TTC29: variants seen among roughly 807,000 people sequenced by gnomAD.
TTC29 encodes the protein tetratricopeptide repeat protein 29.
In TTC29, 49 loss-of-function variants were observed where a neutral mutation model predicts 58.1. The ratio of observed to expected loss-of-function variants is 0.84; its 90% CI spans 0.67 to 1.07. TTC29 has a LOEUF of 1.07. TTC29 is among the 50% of genes least tolerant of loss of function. The pLI is 0.00. For missense variants in TTC29, 582 were observed against 555.6 expected (o/e 1.05, Z -0.48); for synonymous variants, 209 against 196.8 (o/e 1.06, Z -0.52).
intron 4 of TTC29, among the ~76,000 whole-genome samples, chr4:146,925,549 A>G (rs890681352): frequency 1.3e-5 from 2 of 151,972 alleles, no homozygotes; most frequent in Middle Eastern, 3.4e-3. Context: ...TATCCTTTGT[A>G]CTTCTGTGTG....
chr4:146,735,968 T>C (rs183596393), intron 11 of TTC29, among the ~76,000 whole-genome samples: 5 of 152,180 alleles, frequency 3.3e-5, no homozygotes, highest in African/African-American at 1.2e-4. Context: ...TGGAAACTGG[T>C]GGGGTTAAAA....
At chr4:146,890,648 A>G (rs1732291437) in intron 6 of TTC29, among the ~76,000 whole-genome samples, 1 of 152,214 alleles carries the variant, frequency 6.6e-6, no homozygotes, top group Non-Finnish European at 1.5e-5. Context: ...CATTTGAAAA[A>G]ATGAAATCTG....
intron 6 of TTC29, among the ~76,000 whole-genome samples, chr4:146,899,900 A>C (rs1051562461): frequency 6.6e-6 from 1 of 152,170 alleles, no homozygotes; most frequent in African/African-American, 2.4e-5. Context: ...CCCTGGAATC[A>C]GGATGCTGCC....
intron 11 of TTC29, among the ~76,000 whole-genome samples, chr4:146,774,643 C>T (rs1054016747): frequency 7.2e-5 from 11 of 151,882 alleles, no homozygotes; most frequent in Middle Eastern, 3.4e-3. Flanking sequence ...GCCTGTTGTG[C>T]GGTAGATTTT....
intron 11 of TTC29, among the ~76,000 whole-genome samples, chr4:146,731,868 G>T (rs760792057): frequency 2.0e-5 from 3 of 152,174 alleles, no homozygotes; most frequent in Non-Finnish European, 4.4e-5. Flanking sequence ...ATGTCAGAGA[G>T]AAATAGCCAT....
chr4:146,802,237 C>T (rs985752061), intron 11 of TTC29, among the ~76,000 whole-genome samples: 5 of 152,006 alleles, frequency 3.3e-5, no homozygotes, highest in African/African-American at 1.2e-4. Flanking sequence ...TTCTGCCATT[C>T]TGGGCAGAAA....
chr4:146,890,547 G>A (rs892548398), intron 6 of TTC29, among the ~76,000 whole-genome samples: 2 of 152,210 alleles, frequency 1.3e-5, no homozygotes, highest in Admixed American at 1.3e-4. Context: ...CCGTGCCCAT[G>A]GTGAACCTGA....
chr4:146,907,122 A>G (rs1486407405), intron 5 of TTC29, among the ~76,000 whole-genome samples: 1 of 152,224 alleles, frequency 6.6e-6, no homozygotes, highest in Non-Finnish European at 1.5e-5. Context: ...AGTTTGTCTC[A>G]AAACAAAACA....
At chr4:146,842,252 G>T (rs1357616181) in intron 8 of TTC29, among the ~76,000 whole-genome samples, 1 of 152,136 alleles carries the variant, frequency 6.6e-6, no homozygotes, top group East Asian at 1.9e-4. Flanking sequence ...TCCTAGTGAG[G>T]CTAGCCATTC....
intron 6 of TTC29, among the ~76,000 whole-genome samples, chr4:146,900,962 A>C (rs1733107430): frequency 6.6e-6 from 1 of 152,226 alleles, no homozygotes. Context: ...GCCACTCTTC[A>C]GTTTTCATCA....
chr4:146,765,814 T>A (rs1262835082), intron 11 of TTC29, among the ~76,000 whole-genome samples: 2 of 152,064 alleles, frequency 1.3e-5, no homozygotes, highest in African/African-American at 4.8e-5. Context: ...GATTTTTTTT[T>A]AAAGGAACTT....
intron 11 of TTC29, among the ~76,000 whole-genome samples, chr4:146,787,920 T>C (rs1749150603): frequency 6.6e-6 from 1 of 151,644 alleles, no homozygotes; most frequent in African/African-American, 2.4e-5. Flanking sequence ...TTGGAGTTCA[T>C]TGCTCACTGC....
intron 11 of TTC29, among the ~76,000 whole-genome samples, chr4:146,769,336 T>C (rs868031000): frequency 7.9e-5 from 12 of 152,012 alleles, no homozygotes; most frequent in African/African-American, 2.2e-4. Context: ...AAAAATCTAA[T>C]ATTCAAGCTT....
rs150216507 is a variant in TTC29 at position 146,852,102 on chromosome 4, G to A, written c.885+15396C>T. On this transcript the variant is annotated intron_variant, in intron 8 of 12. Transcript: ENST00000325106. ...AGGGGTAAGCCACCGCACCCAGCCCGCCATTTGCATCTTCTACTTCTGTGT... is the reference window on the plus strand; with the variant it reads ...AGGGGTAAGCCACCGCACCCAGCCCACCATTTGCATCTTCTACTTCTGTGT... Among the ~76,000 whole-genome samples the A allele has an allele frequency of 1.9e-4, 29 of 152,206 alleles. 1 individual carries two copies. The highest frequency in any genetic ancestry group is 3.4e-3 in the Middle Eastern group (1 of 294).
chr4:146,847,567 AGGACTATGC>A (rs1473151089), intron 8 of TTC29, among the ~76,000 whole-genome samples: 1 of 152,168 alleles, frequency 6.6e-6, no homozygotes, highest in African/African-American at 2.4e-5. Context: ...AGAGACAGGG[AGGACTATGC>A]GGCTCTTCAT....
intron 11 of TTC29, among the ~76,000 whole-genome samples, chr4:146,795,097 C>G (rs1348799150): frequency 6.6e-6 from 1 of 152,042 alleles, no homozygotes; most frequent in East Asian, 1.9e-4. Context: ...GGCTTTTTGA[C>G]TGAAGTTTAG....
At chr4:146,800,386 T>C (rs1750130881) in intron 11 of TTC29, among the ~76,000 whole-genome samples, 1 of 152,244 alleles carries the variant, frequency 6.6e-6, no homozygotes, top group South Asian at 2.1e-4. Context: ...GAGGTGAAGA[T>C]AACTGCACAG....
chr4:146,801,091 A>T (rs1439606565), intron 11 of TTC29, among the ~76,000 whole-genome samples: 3 of 152,102 alleles, frequency 2.0e-5, no homozygotes, highest in Non-Finnish European at 2.9e-5. Context: ...GGGCAGGGGG[A>T]GTGGCAGAGG....
At chr4:146,713,023 C>A (rs377229522) in intron 11 of TTC29, among the ~76,000 whole-genome samples, 1 of 151,466 alleles carries the variant, frequency 6.6e-6, no homozygotes, top group Admixed American at 6.6e-5. Context: ...TAAATACATA[C>A]GATGAAGCCA....
Sources: gnomAD v4.1 joint callset for allele counts (sites outside exome capture counted in the v4.1 genomes callset) on GRCh38, gnomAD v4.1.1 for gene constraint, MANE v1.5 for transcripts, NCBI Gene and HGNC (gene_info 2026-07-23, HGNC 2026-07-21) for gene names.